Variants in PLSCR2 observed in about 807,000 individuals in gnomAD.
PLSCR2 encodes the protein phospholipid scramblase 2, also known as PL scramblase 2.
Under a neutral mutation model 25.3 loss-of-function variants are expected in PLSCR2, and 18 were observed. The observed-to-expected ratio is 0.71, with a 90% CI of 0.49 to 1.06. PLSCR2 has a LOEUF of 1.06. Ranked by LOEUF, PLSCR2 falls within the 50% of genes least tolerant of loss-of-function variation. The pLI is 0.00. For missense variants in PLSCR2, 243 were observed against 269.5 expected (o/e 0.90, Z 0.69); for synonymous variants, 88 against 87.3 (o/e 1.01, Z -0.04).
intron 2 of PLSCR2, among the ~76,000 whole-genome samples, chr3:146,403,143 A>AAT (rs1553768247): frequency 7.3e-5 from 11 of 150,208 alleles, no homozygotes; most frequent in African/African-American, 2.2e-4. Context: ...ACATATTGTA[A>AAT]ACACACACAC....
At chr3:146,483,004 G>A (rs534065449) in intron 1 of PLSCR2, among the ~76,000 whole-genome samples, 19 of 151,352 alleles carry the variant, frequency 1.3e-4, no homozygotes, top group South Asian at 6.2e-4. Context: ...AGTGTTGGAA[G>A]TTCTGGCCAG....
intron 1 of PLSCR2, among the ~76,000 whole-genome samples, chr3:146,466,934 A>C (rs2108468116): frequency 6.6e-6 from 1 of 152,318 alleles, no homozygotes; most frequent in East Asian, 1.9e-4. Flanking sequence ...AAATATCTTG[A>C]ATTTCAATTT....
chr3:146,491,575 C>T (rs1433610660), intron 1 of PLSCR2, among the ~76,000 whole-genome samples: 1 of 152,026 alleles, frequency 6.6e-6, no homozygotes. Flanking sequence ...ATTTTGTCTG[C>T]CTGCATTGAG....
chr3:146,440,950 T>C (rs1018249695), downstream of PLSCR2, among the ~76,000 whole-genome samples: 5 of 152,320 alleles, frequency 3.3e-5, no homozygotes, highest in South Asian at 2.1e-4. Flanking sequence ...CTGGGAATGA[T>C]AGAATACAGG....
chr3:146,460,020 T>C lies in PLSCR2; in HGVS notation c.-116A>G. On this transcript the variant is annotated 5_prime_UTR_variant, in exon 2 of 7. Coordinates refer to ENST00000610787, the Ensembl canonical transcript of PLSCR2. The stretch of plus-strand genomic sequence containing the variant: ...TGGGTAGAAGGCCTGGGAGCCCAGG[T>C]GGTCAGCCTGTTTCCCAGTGTGTCC... 1.9e-6 allele frequency: 3 copies of C among 1,603,846 alleles called. No homozygotes were observed. Among genetic ancestry groups the C allele is most frequent in the Non-Finnish European group, 2.6e-6 (3 of 1,174,508 alleles).
intron 2 of PLSCR2, among the ~76,000 whole-genome samples, chr3:146,418,983 T>C (rs1204068117): frequency 6.6e-6 from 1 of 152,126 alleles, no homozygotes; most frequent in East Asian, 1.9e-4. Context: ...TTGCCTTCTC[T>C]CCAGAGCACA....
chr3:146,441,670 A>G, downstream of PLSCR2: 1 of 669,378 alleles, frequency 1.5e-6, no homozygotes, highest in South Asian at 1.9e-5. Flanking sequence ...GGTGTAAGTA[A>G]TTTAAATAAA....
chr3:146,481,785 A>C (rs914942967), intron 1 of PLSCR2, among the ~76,000 whole-genome samples: 6 of 152,298 alleles, frequency 3.9e-5, no homozygotes, highest in South Asian at 2.1e-4. Context: ...AATCCTAAGC[A>C]AAAAGAACAA....
upstream of PLSCR2, among the ~76,000 whole-genome samples, chr3:146,462,470 T>TTC (rs2041646187): frequency 1.1e-4 from 2 of 17,772 alleles, no homozygotes; most frequent in Non-Finnish European, 2.3e-4. Context: ...TTTTCTTTCT[T>TTC]TTTTTTTTTT....
downstream of PLSCR2, among the ~76,000 whole-genome samples, chr3:146,439,436 T>A (rs1268882386): frequency 3.3e-5 from 5 of 152,210 alleles, no homozygotes; most frequent in Non-Finnish European, 7.3e-5. Flanking sequence ...TTTGGTCTTT[T>A]CACATAGCCC....
intron 2 of PLSCR2, among the ~76,000 whole-genome samples, chr3:146,403,143 AACAC>A (rs77006503): frequency 1.1e-4 from 16 of 150,206 alleles, no homozygotes; most frequent in Non-Finnish European, 2.1e-4. Flanking sequence ...ACATATTGTA[AACAC>A]ACACACACAC....
intron 6 of PLSCR2, among the ~76,000 whole-genome samples, chr3:146,444,422 T>C (rs946614559): frequency 2.6e-5 from 4 of 152,036 alleles, no homozygotes; most frequent in African/African-American, 9.7e-5. Flanking sequence ...TAATAATATT[T>C]GCTTTCTATA....
At chr3:146,450,918 A>T (rs1333548220) in intron 5 of PLSCR2, among the ~76,000 whole-genome samples, 1 of 151,998 alleles carries the variant, frequency 6.6e-6, no homozygotes, top group Non-Finnish European at 1.5e-5. Context: ...ATAAATAATG[A>T]CATGCATATA....
At chr3:146,404,981 C>T (rs1438332219) in intron 2 of PLSCR2, among the ~76,000 whole-genome samples, 1 of 152,058 alleles carries the variant, frequency 6.6e-6, no homozygotes, top group Non-Finnish European at 1.5e-5. Flanking sequence ...CTCAGGCAAC[C>T]CTATCCCTGT....
At chr3:146,483,509 A>ATATATACACGTGTAT (rs1553791539) in intron 1 of PLSCR2, among the ~76,000 whole-genome samples, 1 of 127,064 alleles carries the variant, frequency 7.9e-6, no homozygotes, top group Non-Finnish European at 1.7e-5. Context: ...ATATATATAT[A>ATATATACACGTGTAT]ATGTTACTAC....
upstream of PLSCR2, among the ~76,000 whole-genome samples, chr3:146,463,064 C>T (rs1167052821): frequency 6.6e-6 from 1 of 152,172 alleles, no homozygotes; most frequent in Non-Finnish European, 1.5e-5. Flanking sequence ...TTGAGAAGTT[C>T]TGACACTACT....
chr3:146,452,969 A>G (rs1163628379), intron 5 of PLSCR2, among the ~76,000 whole-genome samples: 7 of 151,952 alleles, frequency 4.6e-5, no homozygotes, highest in Non-Finnish European at 1.5e-5. Flanking sequence ...ATATAATCAT[A>G]TATTTCATAT....
chr3:146,488,190 T>A (rs1285581951), intron 1 of PLSCR2, among the ~76,000 whole-genome samples: 1 of 152,150 alleles, frequency 6.6e-6, no homozygotes, highest in Non-Finnish European at 1.5e-5. Flanking sequence ...CAAGATGGAT[T>A]AAAGACTTAA....
At chr3:146,452,053 T>G (rs535431648) in intron 5 of PLSCR2, among the ~76,000 whole-genome samples, 23 of 152,234 alleles carry the variant, frequency 1.5e-4, no homozygotes, top group African/African-American at 5.5e-4. Flanking sequence ...TTATAGCTAG[T>G]TGGTTAGACG....
Sources: gnomAD v4.1 joint callset for allele counts (sites outside exome capture counted in the v4.1 genomes callset) on GRCh38, gnomAD v4.1.1 for gene constraint, MANE v1.5 for transcripts, NCBI Gene and HGNC (gene_info 2026-07-23, HGNC 2026-07-21) for gene names.